Variants in ALDH1A1 observed in about 807,000 individuals in gnomAD.
The protein encoded by ALDH1A1 is aldehyde dehydrogenase 1 family member A1.
Under a neutral mutation model 62.1 loss-of-function variants are expected in ALDH1A1, and 19 were observed. The observed-to-expected ratio is 0.31, with a 90% CI of 0.21 to 0.45. The LOEUF (loss-of-function observed/expected upper bound fraction) is 0.45. ALDH1A1 is among the 20% of genes least tolerant of loss of function. The probability of loss-of-function intolerance (pLI) is 1.00; values close to 1 mark genes in which losing one functional copy is unlikely to be tolerated. For synonymous variants in ALDH1A1, 231 were observed against 215.9 expected, an observed-to-expected ratio of 1.07 and a Z score of -0.61; for missense variants, 521 against 607.1, an observed-to-expected ratio of 0.86 and a Z score of 1.49.
chr9:72,930,753 CA>C, intron 3 of ALDH1A1, 125 bp downstream of exon 3: 3 of 1,139,422 alleles, frequency 2.6e-6, no homozygotes, highest in Non-Finnish European at 2.5e-6. Flanking sequence ...TTCATTGGGA[CA>C]AAAAATGTTT....
In ALDH1A1 at chr9:72,931,039, C is replaced by T. The variant is rs774663372; in HGVS notation, c.172-20G>A. 5.0e-6 allele frequency: 8 copies of T among 1,613,766 alleles called. No individual in the cohort carries two copies. The highest frequency in any genetic ancestry group is 4.5e-5 in the East Asian group (2 of 44,876). On this transcript the variant is annotated intron_variant, in intron 2 of 12. Transcript: ENST00000297785. ...ATCCTCCTGTAAGTCAACAGGAATT[C>T]AATTCAGTAAGCTAAACATATTAGG...
At position 72,928,894 on chromosome 9, in the gene ALDH1A1, A is replaced by G. The variant is rs368134752; in HGVS notation, c.440T>C (p.Ile147Thr). 7 of 1,613,302 alleles carry G rather than the reference A, an allele frequency of 4.3e-6. No homozygotes were observed. In the African/African-American group the frequency reaches 9.3e-5, roughly 22 times the overall value. The change falls in exon 4 of 13, where the codon ATT becomes ACT. Residue 147 changes from isoleucine to threonine, a missense_variant and splice_region_variant. Transcript: ENST00000297785. ...ADKIQGRTIP[I>T]DGNFFTYTRH... Reference sequence around the variant, plus strand: ...AGTGGTTTCTCAAAGATACTTACCAATTGGTATTGTACGGCCCTGGATCTT... The same window carrying G: ...AGTGGTTTCTCAAAGATACTTACCAGTTGGTATTGTACGGCCCTGGATCTT...
intron 7 of ALDH1A1, among the ~76,000 whole-genome samples, chr9:72,921,169 C>A (rs1830137203): frequency 6.6e-6 from 1 of 151,290 alleles, no homozygotes; most frequent in African/African-American, 2.4e-5. Context: ...ATGGCATGAA[C>A]CACGGAGGTG....
At chr9:72,915,602 T>G (rs1255227666) in intron 9 of ALDH1A1, among the ~76,000 whole-genome samples, 1 of 152,150 alleles carries the variant, frequency 6.6e-6, no homozygotes. Flanking sequence ...AAATACAAAA[T>G]ATAATGGGAT....
intron 11 of ALDH1A1, among the ~76,000 whole-genome samples, chr9:72,907,747 C>T (rs777999908): frequency 2.0e-5 from 3 of 152,116 alleles, no homozygotes; most frequent in Non-Finnish European, 2.9e-5. Flanking sequence ...CGTAAGATTG[C>T]GTGAATAGTA....
At chr9:72,923,120 A>G (rs1466542774) in intron 7 of ALDH1A1, among the ~76,000 whole-genome samples, 1 of 152,196 alleles carries the variant, frequency 6.6e-6, no homozygotes, top group African/African-American at 2.4e-5. Flanking sequence ...ACAATTCCTC[A>G]AAACCCAGAG....
At chr9:72,940,024 A>C (rs1830397432) in intron 2 of ALDH1A1, 124 bp downstream of exon 2, 1 of 614,614 alleles carries the variant, frequency 1.6e-6, no homozygotes, top group Admixed American at 3.0e-5. Context: ...CAATTTTCCT[A>C]AGCTGCCCCA....
Position 72,909,763 on chromosome 9 carries a change from T to C in ALDH1A1, c.1201-4A>G, listed in dbSNP as rs879140857. The C allele has an allele frequency of 6.3e-7, 1 of 1,598,580 alleles. No individual in the cohort carries two copies. The highest frequency in any genetic ancestry group is 8.5e-7 in the Non-Finnish European group (1 of 1,171,620). On this transcript the variant is annotated splice_region_variant and splice_polypyrimidine_tract_variant and intron_variant, in intron 10 of 12. Coordinates refer to ENST00000297785, the MANE Select transcript of ALDH1A1 (RefSeq NM_000689.5). ...TTTGCTGCACTGGTCCAAAAATCTA[T>C]ACCACAAGAAATAAATAAGTAAAAA...
At chr9:72,906,116 G>A in intron 11 of ALDH1A1, 84 bp from the exon 12 acceptor site, 1 of 967,616 alleles carries the variant, frequency 1.0e-6, no homozygotes, top group Non-Finnish European at 1.6e-6. Flanking sequence ...AATTTGGAAA[G>A]CTCCTTACAA....
chr9:72,948,987 C>T (rs999198089), intron 1 of ALDH1A1, among the ~76,000 whole-genome samples: 4 of 151,762 alleles, frequency 2.6e-5, no homozygotes, highest in African/African-American at 9.7e-5. Context: ...GTGCCTGGGA[C>T]GTATTATTCA....
intron 1 of ALDH1A1, among the ~76,000 whole-genome samples, chr9:72,947,951 A>T (rs1830493692): frequency 6.6e-6 from 1 of 151,982 alleles, no homozygotes. Context: ...TGATCATATA[A>T]TTCTAGGAGT....
At chr9:72,906,057 T>C (rs959908011) in intron 11 of ALDH1A1, 25 bp from the exon 12 acceptor site, 2 of 1,576,866 alleles carry the variant, frequency 1.3e-6, no homozygotes, top group Non-Finnish European at 1.7e-6. Flanking sequence ...AAGTGCATTA[T>C]AGACAATACT....
chr9:72,907,663 A>G (rs1330244058), intron 11 of ALDH1A1, among the ~76,000 whole-genome samples: 2 of 152,220 alleles, frequency 1.3e-5, no homozygotes, highest in Admixed American at 6.5e-5. Flanking sequence ...TCAAAATGTT[A>G]TCTGTCTTCT....
At chr9:72,932,217 G>C (rs1296108873) in intron 2 of ALDH1A1, among the ~76,000 whole-genome samples, 1 of 152,170 alleles carries the variant, frequency 6.6e-6, no homozygotes, top group Non-Finnish European at 1.5e-5. Flanking sequence ...GCAATATTTT[G>C]CAGGAGACAC....
rs551316658 is a variant in ALDH1A1 at position 72,917,336 on chromosome 9, A to T, written c.851-232T>A. On this transcript the variant is annotated intron_variant, in intron 8 of 12. Transcript: ENST00000297785. ...TGAAAAAATAGTGGTTACTATTACA[A>T]CTTTAATATGGACATCACCAAGAAT... 4.9e-4 allele frequency among the ~76,000 whole-genome samples: 75 copies of T among 152,234 alleles called. No homozygotes were observed. In the South Asian group the frequency reaches 0.015, roughly 31 times the overall value.
chr9:72,907,577 G>C (rs990286756), intron 11 of ALDH1A1, among the ~76,000 whole-genome samples: 11 of 152,134 alleles, frequency 7.2e-5, no homozygotes, highest in African/African-American at 2.4e-4. Flanking sequence ...TCATTTTACT[G>C]TCAACTAGAA....
chr9:72,911,509 C>T (rs543052806), intron 10 of ALDH1A1, among the ~76,000 whole-genome samples: 1 of 152,268 alleles, frequency 6.6e-6, no homozygotes, highest in African/African-American at 2.4e-5. Context: ...TTTCCCAACC[C>T]TCATCCTCCA....
At chr9:72,929,815 T>C (rs933038639) in intron 3 of ALDH1A1, among the ~76,000 whole-genome samples, 2 of 152,218 alleles carry the variant, frequency 1.3e-5, no homozygotes, top group Non-Finnish European at 2.9e-5. Context: ...ATGTGACTTT[T>C]GTATGCCTGT....
chr9:72,909,841 A>C, intron 10 of ALDH1A1, 82 bp from the exon 11 acceptor site: 1 of 1,205,118 alleles, frequency 8.3e-7, no homozygotes, highest in Non-Finnish European at 1.1e-6. Context: ...TTTTTCCTAC[A>C]CGCTATCCTA....
Sources: gnomAD v4.1 joint callset for allele counts (sites outside exome capture counted in the v4.1 genomes callset) on GRCh38, gnomAD v4.1.1 for gene constraint, MANE v1.5 for transcripts, NCBI Gene and HGNC (gene_info 2026-07-23, HGNC 2026-07-21) for gene names.